The following CELF2 variants were observed in gnomAD, a reference collection of about 807,000 sequenced individuals.
The protein encoded by CELF2 is CUG triplet repeat RNA-binding protein 2.
In CELF2, 8 loss-of-function variants were observed where a neutral mutation model predicts 62.6. The ratio of observed to expected loss-of-function variants is 0.13; its 90% CI spans 0.07 to 0.23. The LOEUF (loss-of-function observed/expected upper bound fraction) is 0.23, where lower values mean the gene tolerates loss of function less well. CELF2 is among the 10% of genes least tolerant of loss of function. The pLI is 1.00. For synonymous variants in CELF2, 258 were observed against 250.0 expected (o/e 1.03, Z -0.30); for missense variants, 333 against 671.0 (o/e 0.50, Z 5.56).
chr10:10,913,519 TG>T (rs2064008250), intron 1 of CELF2, among the ~76,000 whole-genome samples: 1 of 138,366 alleles, frequency 7.2e-6, no homozygotes, highest in African/African-American at 3.1e-5. Flanking sequence ...GCCTCCCAAG[TG>T]GCTGGGATTA....
At chr10:10,985,157 A>G (rs1428040105) in intron 2 of CELF2, among the ~76,000 whole-genome samples, 1 of 152,168 alleles carries the variant, frequency 6.6e-6, no homozygotes, top group Non-Finnish European at 1.5e-5. Context: ...TTTCAAGGAA[A>G]TGTTCTTTCA....
At chr10:10,998,661 G>A (rs1026380564) in intron 2 of CELF2, among the ~76,000 whole-genome samples, 2 of 152,172 alleles carry the variant, frequency 1.3e-5, no homozygotes, top group Non-Finnish European at 2.9e-5. Flanking sequence ...AGCGCAGGCT[G>A]ACCCGGGAAG....
chr10:11,251,322 A>G, intron 4 of CELF2, among the ~76,000 whole-genome samples: 1 of 86,068 alleles, frequency 1.2e-5, no homozygotes, highest in African/African-American at 4.7e-5. Context: ...GCAGGTATTC[A>G]TTTGCCTCAG....
At chr10:10,607,322 A>G in the CELF2 span, among the ~76,000 whole-genome samples, 1 of 152,194 alleles carries the variant, frequency 6.6e-6, no homozygotes, top group Non-Finnish European at 1.5e-5. Flanking sequence ...AAAAAATAGG[A>G]AACAGCAGCA....
chr10:11,190,732 T>A (rs1295248621), intron 2 of CELF2, among the ~76,000 whole-genome samples: 2 of 119,076 alleles, frequency 1.7e-5, no homozygotes, highest in Non-Finnish European at 3.3e-5. Context: ...AGCTCAAAAC[T>A]AAATTTTGAC....
intron 2 of CELF2, among the ~76,000 whole-genome samples, chr10:10,943,763 T>TC (rs2047315273): frequency 3.1e-5 from 4 of 127,332 alleles, no homozygotes; most frequent in African/African-American, 1.2e-4. Flanking sequence ...TACTCCCAGC[T>TC]TTTTTTTTGT....
At chr10:10,547,493 C>T in the CELF2 span, among the ~76,000 whole-genome samples, 1 of 152,076 alleles carries the variant, frequency 6.6e-6, no homozygotes, top group Non-Finnish European at 1.5e-5. Flanking sequence ...AATTTCTAAG[C>T]CTTATATCTC....
chr10:10,998,986 T>C (rs2054249560), intron 2 of CELF2, among the ~76,000 whole-genome samples: 1 of 152,222 alleles, frequency 6.6e-6, no homozygotes, highest in Non-Finnish European at 1.5e-5. Context: ...TATCATTTTA[T>C]TTTCAACGTA....
At chr10:10,623,662 G>A in the CELF2 span, among the ~76,000 whole-genome samples, 2 of 152,132 alleles carry the variant, frequency 1.3e-5, no homozygotes, top group African/African-American at 2.4e-5. Flanking sequence ...ATGGACCCAC[G>A]ATGATCCAGA....
intron 2 of CELF2, among the ~76,000 whole-genome samples, chr10:10,929,813 A>G (rs1238893452): frequency 6.6e-6 from 1 of 152,244 alleles, no homozygotes; most frequent in African/African-American, 2.4e-5. Flanking sequence ...GCATCAAGCC[A>G]TCGGGCATAT....
chr10:11,055,556 T>C (rs893112011), intron 1 of CELF2, among the ~76,000 whole-genome samples: 3 of 152,256 alleles, frequency 2.0e-5, no homozygotes, highest in Non-Finnish European at 1.5e-5. Context: ...CATACACTTA[T>C]GAGTGACTGG....
chr10:10,684,624 G>A, the CELF2 span, among the ~76,000 whole-genome samples: 2 of 152,062 alleles, frequency 1.3e-5, no homozygotes, highest in African/African-American at 2.4e-5. Flanking sequence ...TGCTCCTGTG[G>A]TCCCAGCTAC....
chr10:11,199,758 T>A (rs2058795768), intron 2 of CELF2, among the ~76,000 whole-genome samples: 1 of 152,220 alleles, frequency 6.6e-6, no homozygotes, highest in Admixed American at 6.5e-5. Flanking sequence ...CTATGCAAAA[T>A]CTGTCCATTG....
Position 11,314,515 on chromosome 10 carries a change from G to T in CELF2, c.1096+257G>T, listed in dbSNP as rs2094790782. 1.2e-5 allele frequency: 6 copies of T among 521,032 alleles called. No homozygotes were observed. Among genetic ancestry groups the T allele is most frequent in the Non-Finnish European group, 2.1e-5 (6 of 283,482 alleles). The allele number at this position is 521,032 out of a possible 1,614,324, so 32.3% of individuals were successfully genotyped here. On this transcript the variant is annotated intron_variant, in intron 10 of 12. Coordinates refer to ENST00000633077, the MANE Select transcript of CELF2 (RefSeq NM_001326342.2). The surrounding 1 kb of genome is among the most constrained non-coding windows in gnomAD (Gnocchi z 5.3). ...GTGTGCTCATCCATGGGGTTCTGTG[G>T]CTGGCAGCTCTTTTCAGGTTTCCAG...
chr10:11,071,341 A>G (rs1377104208), intron 1 of CELF2, among the ~76,000 whole-genome samples: 1 of 152,178 alleles, frequency 6.6e-6, no homozygotes, highest in Non-Finnish European at 1.5e-5. Context: ...CACAACAACT[A>G]TATGAGGTTG....
At chr10:11,307,754 CTA>C (rs1054989410) in intron 9 of CELF2, among the ~76,000 whole-genome samples, 2 of 152,130 alleles carry the variant, frequency 1.3e-5, no homozygotes, top group African/African-American at 4.8e-5. Flanking sequence ...GCTGATGAAA[CTA>C]TAGAGTTGTG....
chr10:10,623,057 AC>A, the CELF2 span, among the ~76,000 whole-genome samples: 6 of 130,402 alleles, frequency 4.6e-5, no homozygotes, highest in African/African-American at 1.7e-4. Flanking sequence ...CAGCACTCCA[AC>A]CTGGGCGACA....
the CELF2 span, among the ~76,000 whole-genome samples, chr10:10,506,956 C>A: frequency 2.2e-3 from 341 of 152,136 alleles, 1 homozygote; most frequent in African/African-American, 8.0e-3. Flanking sequence ...TGAGCCACTG[C>A]GCCTGGCTAC....
In CELF2 at chr10:11,284,237, G is replaced by GA. The variant is rs1391578498; in HGVS notation, c.842-4181_842-4180insA. 3.5e-4 allele frequency among the ~76,000 whole-genome samples: 4 copies of GA among 11,316 alleles called. 1 individual carries two copies. The highest frequency in any genetic ancestry group is 4.6e-4 in the African/African-American group (1 of 2,186). 7.4% of individuals were successfully genotyped at this position (11,316 alleles called of 152,430 possible). On this transcript the variant is annotated intron_variant, in intron 8 of 12. Transcript: ENST00000633077. ...AGTGTGTGGTGGGTGGATGAGGGATGGAGGGGTGGGTGGATGATGGATGAC... is the reference window on the plus strand; with the variant it reads ...AGTGTGTGGTGGGTGGATGAGGGATGAGAGGGGTGGGTGGATGATGGATGAC...
Sources: allele counts gnomAD v4.1 joint callset (sites outside exome capture counted in the v4.1 genomes callset), GRCh38; gene constraint gnomAD v4.1.1; non-coding constraint Gnocchi (gnomAD v3.1); transcripts MANE v1.5; gene names NCBI Gene and HGNC (gene_info 2026-07-23, HGNC 2026-07-21).